Variants in CADM1 observed in about 807,000 individuals in gnomAD.
CADM1 encodes TSLC-1.
In CADM1, 15 loss-of-function variants were observed where a neutral mutation model predicts 53.1. That is an observed-to-expected ratio of 0.28 (90% CI 0.19 to 0.44). The LOEUF (loss-of-function observed/expected upper bound fraction) is 0.44. CADM1 is among the 20% of genes least tolerant of loss of function. The probability of loss-of-function intolerance (pLI) is 1.00; values close to 1 mark genes in which losing one functional copy is unlikely to be tolerated. For missense variants in CADM1, 434 were observed against 611.3 expected, an observed-to-expected ratio of 0.71 and a Z score of 3.06; for synonymous variants, 281 against 243.0, an observed-to-expected ratio of 1.16 and a Z score of -1.45.
At chr11:115,423,030 G>T (rs45485602) in intron 1 of CADM1, among the ~76,000 whole-genome samples, 3 of 142,054 alleles carry the variant, frequency 2.1e-5, no homozygotes, top group Non-Finnish European at 3.2e-5. Context: ...GCTACGGTCT[G>T]TTTTTTTTTT....
chr11:115,232,689 AT>A (rs1941864492), intron 3 of CADM1, among the ~76,000 whole-genome samples: 1 of 152,300 alleles, frequency 6.6e-6, no homozygotes, highest in East Asian at 1.9e-4. Context: ...AAAATATGTT[AT>A]CTTTTATGAA....
intron 1 of CADM1, among the ~76,000 whole-genome samples, chr11:115,467,728 A>G (rs1431818395): frequency 6.6e-6 from 1 of 152,210 alleles, no homozygotes; most frequent in African/African-American, 2.4e-5. Flanking sequence ...GAAATCTACA[A>G]TACTCTCATC....
intron 7 of CADM1, 127 bp downstream of exon 7, chr11:115,214,481 T>C: frequency 4.4e-6 from 4 of 914,432 alleles, no homozygotes; most frequent in Non-Finnish European, 7.0e-6. Flanking sequence ...GCCAGGCTTC[T>C]TTAAGTTCTA....
At chr11:115,204,179 C>T (rs1940570092) in intron 8 of CADM1, among the ~76,000 whole-genome samples, 1 of 152,168 alleles carries the variant, frequency 6.6e-6, no homozygotes, top group African/African-American at 2.4e-5. Context: ...TAAATACATG[C>T]AAAATAAACA....
rs187082479 is a variant in CADM1, at chr11:115,305,511, A to G, written c.125-65091T>C. ...CTTATTCTCTGCACCTTGATTCTCA[A>G]TCTTTTCTCTCCTCTCTAGCTTGGA... On this transcript the variant is annotated intron_variant, in intron 1 of 11. Transcript: ENST00000331581. Among the ~76,000 whole-genome samples the G allele has an allele frequency of 1.1e-4, 17 of 151,904 alleles. No homozygotes were observed. In the East Asian group the frequency reaches 2.3e-3, roughly 21 times the overall value.
At chr11:115,307,234 C>T (rs1192507002) in intron 1 of CADM1, among the ~76,000 whole-genome samples, 1 of 151,912 alleles carries the variant, frequency 6.6e-6, no homozygotes, top group Non-Finnish European at 1.5e-5. Context: ...TAAGTGTTGG[C>T]TATACTTGGT....
chr11:115,243,937 G>A (rs1345678207), intron 1 of CADM1, among the ~76,000 whole-genome samples: 1 of 152,220 alleles, frequency 6.6e-6, no homozygotes, highest in Non-Finnish European at 1.5e-5. Flanking sequence ...TAACAGGAAG[G>A]TGATTTATTT....
intron 1 of CADM1, among the ~76,000 whole-genome samples, chr11:115,369,027 A>AAAAAAAAAAAAAAAAAAAC (rs1946246275): frequency 2.3e-5 from 1 of 42,844 alleles, no homozygotes; most frequent in South Asian, 8.3e-4. Context: ...AAAAAAATCT[A>AAAAAAAAAAAAAAAAAAAC]AAAAAAAAAA....
intron 1 of CADM1, among the ~76,000 whole-genome samples, chr11:115,282,325 A>G (rs1292671726): frequency 2.0e-5 from 3 of 152,138 alleles, no homozygotes; most frequent in African/African-American, 7.2e-5. Context: ...AGCTGCATCT[A>G]CCCTATGGCT....
intron 1 of CADM1, among the ~76,000 whole-genome samples, chr11:115,381,089 G>A (rs1047083377): frequency 2.0e-5 from 3 of 152,078 alleles, no homozygotes; most frequent in African/African-American, 7.2e-5. Context: ...AAGGTCAGGA[G>A]TTCGAGACCA....
At chr11:115,367,789 A>C (rs890208776) in intron 1 of CADM1, among the ~76,000 whole-genome samples, 1 of 152,132 alleles carries the variant, frequency 6.6e-6, no homozygotes, top group Non-Finnish European at 1.5e-5. Flanking sequence ...CAGTAAGGTT[A>C]TCTCCAGAAG....
intron 11 of CADM1, among the ~76,000 whole-genome samples, chr11:115,178,236 T>C (rs760291119): frequency 3.5e-4 from 53 of 152,186 alleles, no homozygotes; most frequent in Non-Finnish European, 5.4e-4. Flanking sequence ...GGACAGGGGA[T>C]AGGGGGAAAT....
chr11:115,370,388 G>A (rs932326537), intron 1 of CADM1, among the ~76,000 whole-genome samples: 10 of 152,162 alleles, frequency 6.6e-5, no homozygotes, highest in African/African-American at 1.4e-4. Flanking sequence ...AAGCCCTGAC[G>A]AGGGGGTATT....
At chr11:115,418,563 C>T (rs772923873) in intron 1 of CADM1, among the ~76,000 whole-genome samples, 13 of 152,112 alleles carry the variant, frequency 8.5e-5, no homozygotes, top group East Asian at 3.9e-4. Context: ...AAAAAAAATT[C>T]GTGCTGCAAA....
chr11:115,330,765 G>T (rs1945109844), intron 1 of CADM1, among the ~76,000 whole-genome samples: 1 of 152,178 alleles, frequency 6.6e-6, no homozygotes, highest in Admixed American at 6.6e-5. Context: ...GGAGCCAAAG[G>T]ATGATTGGAA....
chr11:115,235,484 A>G (rs1033083495), intron 3 of CADM1, among the ~76,000 whole-genome samples: 8 of 152,232 alleles, frequency 5.3e-5, no homozygotes, highest in Non-Finnish European at 1.0e-4. Flanking sequence ...GATATTTCTA[A>G]GGAGGTGCAT....
At chr11:115,257,137 A>G (rs1322596757) in intron 1 of CADM1, among the ~76,000 whole-genome samples, 1 of 152,164 alleles carries the variant, frequency 6.6e-6, no homozygotes, top group African/African-American at 2.4e-5. Context: ...TTCCAACTTT[A>G]TACGGTAGTT....
intron 1 of CADM1, among the ~76,000 whole-genome samples, chr11:115,331,445 T>C (rs1305001490): frequency 6.6e-6 from 1 of 152,122 alleles, no homozygotes. Flanking sequence ...TAAGACTCAT[T>C]TAATTTTAAA....
At chr11:115,266,166 A>T (rs892327904) in intron 1 of CADM1, among the ~76,000 whole-genome samples, 1 of 152,210 alleles carries the variant, frequency 6.6e-6, no homozygotes, top group African/African-American at 2.4e-5. Flanking sequence ...AGCCAGTAGG[A>T]TTTCCAGAGG....
Sources: allele counts gnomAD v4.1 joint callset (sites outside exome capture counted in the v4.1 genomes callset), GRCh38; gene constraint gnomAD v4.1.1; transcripts MANE v1.5; gene names NCBI Gene and HGNC (gene_info 2026-07-23, HGNC 2026-07-21).